The following FHIT variants were observed in gnomAD, a reference collection of about 807,000 sequenced individuals.
FHIT encodes the protein bis(5'-adenosyl)-triphosphatase.
A neutral mutation model predicts 17.9 loss-of-function variants in FHIT; 19 were observed. The observed-to-expected ratio is 1.06, with a 90% CI of 0.74 to 1.56. FHIT has a LOEUF of 1.56. Among genes scored for constraint, FHIT ranks in the 40% most tolerant of loss-of-function variants. The pLI, the probability that FHIT is intolerant of heterozygous loss-of-function variation, is 0.00. For synonymous variants in FHIT, 81 were observed against 69.7 expected (o/e 1.16, Z -0.81); for missense variants, 248 against 189.2 (o/e 1.31, Z -1.82).
chr3:60,281,595 A>G (rs1707456486), intron 5 of FHIT, among the ~76,000 whole-genome samples: 1 of 150,952 alleles, frequency 6.6e-6, no homozygotes, highest in African/African-American at 2.4e-5. Flanking sequence ...AAATAGTGCT[A>G]GAATAACTGG....
chr3:61,022,001 A>G (rs2032462656), intron 3 of FHIT, among the ~76,000 whole-genome samples: 1 of 152,194 alleles, frequency 6.6e-6, no homozygotes, highest in Non-Finnish European at 1.5e-5. Flanking sequence ...AGATCAGGGC[A>G]AATTTGAAGG....
At chr3:60,588,033 A>C (rs1055495178) in intron 4 of FHIT, among the ~76,000 whole-genome samples, 1 of 151,986 alleles carries the variant, frequency 6.6e-6, no homozygotes, top group Non-Finnish European at 1.5e-5. Flanking sequence ...GTTGTGATTA[A>C]AAACAAAGGT....
intron 5 of FHIT, among the ~76,000 whole-genome samples, chr3:60,060,324 C>G (rs749663693): frequency 6.6e-6 from 1 of 152,070 alleles, no homozygotes; most frequent in African/African-American, 2.4e-5. Context: ...GAATTTAGAC[C>G]GTAGAATCAA....
intron 4 of FHIT, among the ~76,000 whole-genome samples, chr3:60,576,394 T>C (rs2037566345): frequency 6.6e-6 from 1 of 152,014 alleles, no homozygotes; most frequent in East Asian, 1.9e-4. Context: ...TGTCTGCAAA[T>C]GCTCCAGGGA....
At chr3:59,986,256 C>G (rs1708896165) in intron 7 of FHIT, among the ~76,000 whole-genome samples, 1 of 151,720 alleles carries the variant, frequency 6.6e-6, no homozygotes, top group African/African-American at 2.4e-5. Context: ...AACTGAGAAG[C>G]TCTCAGTAGG....
chr3:61,125,549 C>A (rs1221463418), intron 2 of FHIT, among the ~76,000 whole-genome samples: 2 of 152,148 alleles, frequency 1.3e-5, no homozygotes, highest in African/African-American at 2.4e-5. Context: ...GTAAATGTCC[C>A]AGAAACTTTG....
At chr3:60,576,162 G>A (rs1393809732) in intron 4 of FHIT, among the ~76,000 whole-genome samples, 4 of 151,960 alleles carry the variant, frequency 2.6e-5, no homozygotes, top group Non-Finnish European at 5.9e-5. Context: ...ACACAAGGCT[G>A]TATAAAAAAG....
intron 4 of FHIT, among the ~76,000 whole-genome samples, chr3:60,581,075 C>G: frequency 6.6e-6 from 1 of 152,178 alleles, no homozygotes; most frequent in South Asian, 2.1e-4. Flanking sequence ...AAGGCAAAGT[C>G]CCTTGCAGCT....
At chr3:61,068,117 T>C (rs1398973672) in intron 2 of FHIT, among the ~76,000 whole-genome samples, 3 of 152,202 alleles carry the variant, frequency 2.0e-5, no homozygotes, top group Non-Finnish European at 2.9e-5. Context: ...ACTATCCGAA[T>C]AAAGCCAGAA....
intron 5 of FHIT, among the ~76,000 whole-genome samples, chr3:60,076,408 T>C (rs35755790): frequency 0.078 from 11,825 of 152,130 alleles, 656 homozygotes; most frequent in Non-Finnish European, 0.11. Context: ...TATAAAATTA[T>C]TCATATTGTC....
At chr3:60,158,324 C>T (rs890455090) in intron 5 of FHIT, among the ~76,000 whole-genome samples, 38 of 146,730 alleles carry the variant, frequency 2.6e-4, no homozygotes, top group East Asian at 1.4e-3. Context: ...ATTTCTCTCT[C>T]TTTTTTTTTT....
chr3:59,965,875 A>T (rs555383738), intron 7 of FHIT, among the ~76,000 whole-genome samples: 4 of 152,338 alleles, frequency 2.6e-5, no homozygotes, highest in Non-Finnish European at 5.9e-5. Context: ...TGGCTCTATC[A>T]AACAAGAGCA....
chr3:60,388,882 C>G (rs537667910), intron 5 of FHIT, among the ~76,000 whole-genome samples: 62 of 151,990 alleles, frequency 4.1e-4, no homozygotes, highest in Non-Finnish European at 1.2e-4. Context: ...ACAGAGGGCT[C>G]GTAAAGTTAG....
intron 3 of FHIT, among the ~76,000 whole-genome samples, chr3:60,939,472 C>T (rs1449489825): frequency 6.6e-6 from 1 of 152,070 alleles, no homozygotes; most frequent in Non-Finnish European, 1.5e-5. Flanking sequence ...TAACTAGATA[C>T]AGAATCCAGA....
intron 4 of FHIT, among the ~76,000 whole-genome samples, chr3:60,631,247 A>G (rs571752210): frequency 5.3e-5 from 8 of 152,272 alleles, no homozygotes; most frequent in African/African-American, 1.4e-4. Flanking sequence ...AAGAGGTATA[A>G]TATCATTTTG....
chr3:60,027,116 C>CAA, intron 5 of FHIT, among the ~76,000 whole-genome samples: 1 of 119,888 alleles, frequency 8.3e-6, no homozygotes, highest in Non-Finnish European at 1.7e-5. Flanking sequence ...CAGACACACA[C>CAA]ACACACACAC....
At chr3:59,771,893 C>A (rs941617029) in intron 8 of FHIT, among the ~76,000 whole-genome samples, 1 of 152,154 alleles carries the variant, frequency 6.6e-6, no homozygotes, top group African/African-American at 2.4e-5. Context: ...TGTGTGCACA[C>A]ACATAAATGC....
intron 4 of FHIT, among the ~76,000 whole-genome samples, chr3:60,777,223 G>T (rs782793510): frequency 2.6e-5 from 4 of 152,182 alleles, no homozygotes; most frequent in Admixed American, 6.5e-5. Context: ...GCCCTCAGAA[G>T]GTCCTGAGAA....
chr3:61,144,685 T>C (rs1372766448), intron 2 of FHIT, among the ~76,000 whole-genome samples: 1 of 152,220 alleles, frequency 6.6e-6, no homozygotes, highest in African/African-American at 2.4e-5. Context: ...TTTTAATTTC[T>C]CCTTATCCTC....
Sources: gnomAD v4.1 joint callset for allele counts (sites outside exome capture counted in the v4.1 genomes callset) on GRCh38, gnomAD v4.1.1 for gene constraint, MANE v1.5 for transcripts, NCBI Gene and HGNC (gene_info 2026-07-23, HGNC 2026-07-21) for gene names.